OTUD7A: variants seen among roughly 807,000 people sequenced by gnomAD.
The protein encoded by OTUD7A is OTU domain-containing protein 7A.
In OTUD7A, 12 loss-of-function variants were observed where a neutral mutation model predicts 65.7. That is an observed-to-expected ratio of 0.18 (90% CI 0.12 to 0.30). The LOEUF (loss-of-function observed/expected upper bound fraction) is 0.30, where lower values mean the gene tolerates loss of function less well. Among genes scored for constraint, OTUD7A ranks in the 10% least tolerant of loss-of-function variants. The pLI is 1.00. For synonymous variants in OTUD7A, 641 were observed against 586.3 expected, an observed-to-expected ratio of 1.09 and a Z score of -1.35; for missense variants, 1,148 against 1,304.8, an observed-to-expected ratio of 0.88 and a Z score of 1.85.
At chr15:31,718,063 T>C (rs945516374) in intron 1 of OTUD7A, among the ~76,000 whole-genome samples, 1 of 152,150 alleles carries the variant, frequency 6.6e-6, no homozygotes. Flanking sequence ...CTCTGTTGTG[T>C]ATTGCTGGCA....
At chr15:31,821,287 CACCACGCCCAGGT>C (rs1567040938) in intron 1 of OTUD7A, among the ~76,000 whole-genome samples, 1 of 149,762 alleles carries the variant, frequency 6.7e-6, no homozygotes, top group African/African-American at 2.5e-5. Flanking sequence ...AGGCGTGTGC[CACCACGCCCAGGT>C]ACCTTTTTTT....
At chr15:31,514,877 A>G (rs532310934) in intron 8 of OTUD7A, among the ~76,000 whole-genome samples, 1 of 152,346 alleles carries the variant, frequency 6.6e-6, no homozygotes, top group South Asian at 2.1e-4. Context: ...TCACACATAC[A>G]CACACATATA....
chr15:31,765,591 C>T (rs1483853609), intron 1 of OTUD7A, among the ~76,000 whole-genome samples: 2 of 152,152 alleles, frequency 1.3e-5, no homozygotes, highest in Admixed American at 1.3e-4. Context: ...CTAGGAGTCT[C>T]ACATTGATAA....
intron 1 of OTUD7A, chr15:31,767,760 G>A: frequency 2.8e-6 from 2 of 708,512 alleles, no homozygotes; most frequent in Non-Finnish European, 2.6e-6. Context: ...TGTAATCCAT[G>A]CTTTTCAGCA....
At chr15:31,507,503 T>C (rs952951523) in intron 8 of OTUD7A, among the ~76,000 whole-genome samples, 25 of 152,158 alleles carry the variant, frequency 1.6e-4, no homozygotes, top group African/African-American at 5.8e-4. Flanking sequence ...AAGAATGAAG[T>C]CGCGTGTTAC....
At chr15:31,829,372 T>C (rs1896875897) in intron 1 of OTUD7A, among the ~76,000 whole-genome samples, 1 of 152,188 alleles carries the variant, frequency 6.6e-6, no homozygotes, top group Admixed American at 6.5e-5. Flanking sequence ...CATGCTGGTT[T>C]TGTTCTGGAA....
At chr15:31,621,743 T>A (rs961810051) in intron 3 of OTUD7A, among the ~76,000 whole-genome samples, 2 of 151,126 alleles carry the variant, frequency 1.3e-5, no homozygotes, top group African/African-American at 4.9e-5. Flanking sequence ...TGTCTTTTAA[T>A]TGGAGCATTT....
chr15:31,512,204 C>T (rs2041765592), intron 8 of OTUD7A, among the ~76,000 whole-genome samples: 1 of 151,978 alleles, frequency 6.6e-6, no homozygotes. Context: ...TTCTGGTTCA[C>T]GTGATATGTG....
chr15:31,535,151 C>T (rs1489760484), intron 5 of OTUD7A, among the ~76,000 whole-genome samples: 1 of 152,204 alleles, frequency 6.6e-6, no homozygotes, highest in African/African-American at 2.4e-5. Context: ...TGTGTCCTCA[C>T]CCAAATCTCA....
intron 1 of OTUD7A, among the ~76,000 whole-genome samples, chr15:31,685,416 C>T (rs539499421): frequency 2.6e-5 from 4 of 151,686 alleles, no homozygotes; most frequent in African/African-American, 9.7e-5. Context: ...GAGACCAAGG[C>T]GGGTGGATCA....
At chr15:31,830,128 T>C (rs1283055346) in intron 1 of OTUD7A, among the ~76,000 whole-genome samples, 3 of 152,170 alleles carry the variant, frequency 2.0e-5, no homozygotes, top group East Asian at 3.9e-4. Context: ...ACAGTTCCTG[T>C]TTCTTGTTCA....
intron 10 of OTUD7A, among the ~76,000 whole-genome samples, chr15:31,489,806 T>A (rs760558959): frequency 6.6e-6 from 1 of 152,210 alleles, no homozygotes; most frequent in African/African-American, 2.4e-5. Context: ...TGGGGACTCC[T>A]CCCCTCAACA....
chr15:31,691,798 G>A (rs1595710950), intron 1 of OTUD7A, among the ~76,000 whole-genome samples: 1 of 130,870 alleles, frequency 7.6e-6, no homozygotes, highest in East Asian at 2.3e-4. Context: ...GAGAAAGGGG[G>A]AAAATATCTG....
At chr15:31,643,228 T>A (rs1891568734) in intron 3 of OTUD7A, among the ~76,000 whole-genome samples, 3 of 152,252 alleles carry the variant, frequency 2.0e-5, no homozygotes, top group Admixed American at 1.3e-4. Flanking sequence ...CAAGCAATAA[T>A]TCTGCTTCAA....
intron 3 of OTUD7A, among the ~76,000 whole-genome samples, chr15:31,574,674 T>C (rs995038922): frequency 5.9e-5 from 9 of 152,216 alleles, no homozygotes; most frequent in Non-Finnish European, 1.3e-4. Flanking sequence ...TTTTTATTCT[T>C]TGTATTTTAT....
At chr15:31,837,867 G>C (rs1897094048) in intron 1 of OTUD7A, among the ~76,000 whole-genome samples, 1 of 152,316 alleles carries the variant, frequency 6.6e-6, no homozygotes, top group South Asian at 2.1e-4. Flanking sequence ...CATTATACCT[G>C]ATTTTAAGGC....
At chr15:31,501,588 G>C in intron 10 of OTUD7A, 102 bp downstream of exon 10, 1 of 1,472,692 alleles carries the variant, frequency 6.8e-7, no homozygotes, top group Non-Finnish European at 9.4e-7. Flanking sequence ...TGCTTCTAAG[G>C]GGGGGTCTCC....
At chr15:31,535,096 G>T (rs1007731376) in intron 5 of OTUD7A, among the ~76,000 whole-genome samples, 1 of 152,100 alleles carries the variant, frequency 6.6e-6, no homozygotes, top group Non-Finnish European at 1.5e-5. Flanking sequence ...AAAACTTTTG[G>T]CAATTTCTAA....
intron 1 of OTUD7A, among the ~76,000 whole-genome samples, chr15:31,702,923 T>C (rs2141329627): frequency 6.6e-6 from 1 of 151,670 alleles, no homozygotes; most frequent in Middle Eastern, 3.4e-3. Context: ...AGGAACAGAA[T>C]AGAGAACCCG....
Sources: gnomAD v4.1 joint callset for allele counts (sites outside exome capture counted in the v4.1 genomes callset) on GRCh38, gnomAD v4.1.1 for gene constraint, MANE v1.5 for transcripts, NCBI Gene and HGNC (gene_info 2026-07-23, HGNC 2026-07-21) for gene names.